UBAC1: variants seen among roughly 807,000 people sequenced by gnomAD.
UBAC1 encodes UBA domain containing 1.
UBAC1 carries 27 observed loss-of-function variants against 45.9 expected under a neutral mutation model. That is an observed-to-expected ratio of 0.59 (90% CI 0.43 to 0.81). UBAC1 has a LOEUF of 0.81. Among genes scored for constraint, UBAC1 ranks in the 30% least tolerant of loss-of-function variants. The pLI is 0.00. For missense variants in UBAC1, 529 were observed against 539.2 expected, an observed-to-expected ratio of 0.98 and a Z score of 0.19; for synonymous variants, 227 against 215.5, an observed-to-expected ratio of 1.05 and a Z score of -0.47.
intron 1 of UBAC1, among the ~76,000 whole-genome samples, chr9:135,958,832 C>CGTA (rs1213718397): frequency 2.0e-5 from 3 of 152,306 alleles, no homozygotes; most frequent in Admixed American, 2.0e-4. Flanking sequence ...CTCTGGAGTC[C>CGTA]TGAAATGTAT....
At position 135,946,000 on chromosome 9, in the gene UBAC1, G is replaced by A. The variant is rs754106186; in HGVS notation, c.545-3C>T. The stretch of plus-strand genomic sequence containing the variant: ...ATCCTCGTCCTCGTCCAGCATTGCT[G>A]CAGGGAGACGACAGGGCCATGAGGG... On this transcript the variant is annotated splice_polypyrimidine_tract_variant and splice_region_variant and intron_variant, in intron 5 of 9. Coordinates refer to ENST00000371756, the MANE Select transcript of UBAC1 (RefSeq NM_016172.3). 2.5e-6 allele frequency: 4 copies of A among 1,612,894 alleles called. No individual in the cohort carries two copies. The highest frequency in any genetic ancestry group is 2.2e-5 in the South Asian group (2 of 91,080).
Position 135,961,013 on chromosome 9 carries a change from G to T in UBAC1, c.138+12C>A. 6.5e-7 allele frequency: 1 copy of T among 1,540,140 alleles called. No homozygotes were observed. On this transcript the variant is annotated intron_variant, in intron 1 of 9. Transcript: ENST00000371756. The stretch of plus-strand genomic sequence containing the variant: ...GCGGGTGTTGGGGGCAGGGGAGGGG[G>T]CCCGGCCTTACGTGCTTGAGGCAGC...
intron 3 of UBAC1, among the ~76,000 whole-genome samples, chr9:135,949,152 C>A (rs567529122): frequency 1.3e-5 from 2 of 151,762 alleles, no homozygotes; most frequent in African/African-American, 4.8e-5. Flanking sequence ...AGACGGCCCA[C>A]GGAGGAACAC....
intron 7 of UBAC1, chr9:135,942,275 T>A (rs1298768267): frequency 6.6e-6 from 1 of 152,214 alleles, no homozygotes; most frequent in East Asian, 1.9e-4. Flanking sequence ...CAGGATCAGA[T>A]GTAAACTTGG....
intron 2 of UBAC1, among the ~76,000 whole-genome samples, chr9:135,954,859 G>C (rs915229087): frequency 1.1e-4 from 17 of 152,188 alleles, no homozygotes; most frequent in African/African-American, 4.1e-4. Context: ...CACAATTAAA[G>C]GCATTATTTG....
In UBAC1 at chr9:135,947,852, G is replaced by C. The variant is rs1271105995; in HGVS notation, c.387C>G (p.Ala129=). The change falls in exon 4 of 10, where the codon GCC becomes GCG. Residue 129 remains alanine (A), a synonymous_variant. Coordinates refer to ENST00000371756, the MANE Select transcript of UBAC1 (RefSeq NM_016172.3). ...GGTCCATGTTGTAGGAGGGCAGGTT[G>C]GCGGTGGCCCGCAGTATGGCCTCTT... ...PDKEAILRAT[A]NLPSYNMDRA... 6.2e-7 allele frequency: 1 copy of C among 1,614,186 alleles called. No homozygotes were observed.
chr9:135,958,922 A>C (rs570572115), intron 1 of UBAC1, among the ~76,000 whole-genome samples: 1 of 152,326 alleles, frequency 6.6e-6, no homozygotes, highest in East Asian at 1.9e-4. Flanking sequence ...ATACAATCTC[A>C]ATTTAAAGTA....
intron 9 of UBAC1, among the ~76,000 whole-genome samples, chr9:135,937,145 C>T (rs181725025): frequency 2.3e-3 from 357 of 152,236 alleles, no homozygotes; most frequent in Non-Finnish European, 4.4e-3. Context: ...CAAAGGCCCT[C>T]CCAACATCCA....
intron 7 of UBAC1, among the ~76,000 whole-genome samples, chr9:135,942,821 CGT>C (rs1349938039): frequency 6.6e-6 from 1 of 152,138 alleles, no homozygotes; most frequent in Non-Finnish European, 1.5e-5. Context: ...ACAGACAGAA[CGT>C]GCGCCTTGGG....
intron 2 of UBAC1, among the ~76,000 whole-genome samples, chr9:135,954,075 G>C (rs748963297): frequency 1.8e-4 from 27 of 151,250 alleles, no homozygotes; most frequent in Non-Finnish European, 4.0e-4. Flanking sequence ...GGAGGCGGAG[G>C]TTGCACTGAG....
intron 9 of UBAC1, among the ~76,000 whole-genome samples, chr9:135,934,061 T>C (rs1439614612): frequency 6.6e-6 from 1 of 152,238 alleles, no homozygotes; most frequent in Non-Finnish European, 1.5e-5. Context: ...CAGGTGGCTT[T>C]TAGCAAAAAG....
At position 135,945,974 on chromosome 9, in the gene UBAC1, C is replaced by T. The variant is rs1414628360; in HGVS notation, c.568G>A (p.Glu190Lys). 1.9e-6 allele frequency: 3 copies of T among 1,613,956 alleles called. No homozygotes were observed. Among genetic ancestry groups the T allele is most frequent in the Non-Finnish European group, 1.7e-6 (2 of 1,180,036 alleles). The change falls in exon 6 of 10, where the codon GAG (glutamate) becomes AAG (lysine). Residue 190 changes from glutamate (E) to lysine (K), a missense_variant. Coordinates refer to ENST00000371756, the MANE Select transcript of UBAC1 (RefSeq NM_016172.3). Reference protein sequence around the residue: ...ANAMLDEDEDERVDEAALRQL... With the variant: ...ANAMLDEDEDKRVDEAALRQL... ...CGCAGGGCAGCCTCGTCCACACGCT[C>T]ATCCTCGTCCTCGTCCAGCATTGCT... is the stretch of plus-strand genomic sequence containing the variant.
rs537314128 is a variant in UBAC1 at position 135,948,423 on chromosome 9, C to T, written c.334-518G>A. 3.9e-5 allele frequency among the ~76,000 whole-genome samples: 6 copies of T among 152,386 alleles called. No individual in the cohort carries two copies. In the East Asian group the frequency reaches 1.2e-3, roughly 29 times the overall value. ...GGAGGGATCAGCGGAGCTACAAAGG[C>T]TCAGGCCAAGAGCAGAGCATGGACG... On this transcript the variant is annotated intron_variant, in intron 3 of 9. Transcript: ENST00000371756.
chr9:135,938,601 G>A (rs760557555), intron 8 of UBAC1, among the ~76,000 whole-genome samples: 8 of 152,250 alleles, frequency 5.3e-5, no homozygotes, highest in East Asian at 1.9e-4. Flanking sequence ...CCCTGGTGTC[G>A]CAGGGATCAC....
intron 1 of UBAC1, among the ~76,000 whole-genome samples, chr9:135,956,702 C>A (rs1210167469): frequency 6.6e-6 from 1 of 152,208 alleles, no homozygotes; most frequent in Non-Finnish European, 1.5e-5. Context: ...AGAGGGGCTG[C>A]ACTTCTGTGT....
intron 1 of UBAC1, among the ~76,000 whole-genome samples, chr9:135,959,894 G>A (rs941271695): frequency 3.3e-5 from 5 of 152,156 alleles, no homozygotes; most frequent in Admixed American, 1.3e-4. Flanking sequence ...TGTGAATCCT[G>A]AGGCCAGCAC....
chr9:135,949,754 G>T (rs1299502393), intron 3 of UBAC1, among the ~76,000 whole-genome samples: 2 of 152,246 alleles, frequency 1.3e-5, no homozygotes, highest in African/African-American at 2.4e-5. Context: ...GGGCCTGGCA[G>T]TTGCCCGTGC....
chr9:135,942,235 G>C (rs940927779), intron 7 of UBAC1: 1 of 152,240 alleles, frequency 6.6e-6, no homozygotes, highest in Non-Finnish European at 1.5e-5. Flanking sequence ...GACCCAGCTG[G>C]AGAGTGACTG....
intron 7 of UBAC1, among the ~76,000 whole-genome samples, chr9:135,943,652 C>T (rs1318496114): frequency 1.3e-5 from 2 of 152,152 alleles, no homozygotes; most frequent in African/African-American, 4.8e-5. Flanking sequence ...AAGATATGTG[C>T]ACACGTATGT....
Sources: gnomAD v4.1 joint callset for allele counts (sites outside exome capture counted in the v4.1 genomes callset) on GRCh38, gnomAD v4.1.1 for gene constraint, MANE v1.5 for transcripts, NCBI Gene and HGNC (gene_info 2026-07-23, HGNC 2026-07-21) for gene names.